Variants in LRRIQ1 observed in about 807,000 individuals in gnomAD.
LRRIQ1 encodes the protein leucine-rich repeat- and IQ domain-containing protein 1.
In LRRIQ1, 210 loss-of-function variants were observed where a neutral mutation model predicts 211.9. The observed-to-expected ratio is 0.99, with a 90% CI of 0.89 to 1.11. LRRIQ1 has a LOEUF of 1.11. Among genes scored for constraint, LRRIQ1 ranks in the 50% most tolerant of loss-of-function variants. The pLI, the probability that LRRIQ1 is intolerant of heterozygous loss-of-function variation, is 0.00. For missense variants in LRRIQ1, 2,136 were observed against 1,939.5 expected, an observed-to-expected ratio of 1.10 and a Z score of -1.90; for synonymous variants, 699 against 650.1, an observed-to-expected ratio of 1.08 and a Z score of -1.14.
intron 24 of LRRIQ1, among the ~76,000 whole-genome samples, chr12:85,196,433 A>G (rs1311692425): frequency 6.6e-6 from 1 of 152,106 alleles, no homozygotes; most frequent in African/African-American, 2.4e-5. Context: ...ACTATACTAC[A>G]AGGCTACAGT....
chr12:85,224,078 T>C (rs1218230064), intron 24 of LRRIQ1, among the ~76,000 whole-genome samples: 2 of 152,232 alleles, frequency 1.3e-5, no homozygotes, highest in Middle Eastern at 3.4e-3. Flanking sequence ...TTTATACTAT[T>C]AGATATTTTA....
chr12:85,261,801 A>ATTTATTTG (rs752042225), intron 1 of LRRIQ1, among the ~76,000 whole-genome samples: 1 of 149,020 alleles, frequency 6.7e-6, no homozygotes, highest in African/African-American at 2.5e-5. Context: ...TTATTTATTT[A>ATTTATTTG]TTTTTGAGAC....
chr12:85,234,991 G>T (rs929540198), intron 26 of LRRIQ1, among the ~76,000 whole-genome samples: 2 of 152,180 alleles, frequency 1.3e-5, no homozygotes, highest in Admixed American at 6.6e-5. Flanking sequence ...AATGCCAAAA[G>T]ACAGTGGATT....
At chr12:85,145,602 G>T (rs953955702) in intron 19 of LRRIQ1, among the ~76,000 whole-genome samples, 1 of 151,622 alleles carries the variant, frequency 6.6e-6, no homozygotes, top group Non-Finnish European at 1.5e-5. Flanking sequence ...AGAGCTTCAT[G>T]TACCAATTCT....
intron 1 of LRRIQ1, among the ~76,000 whole-genome samples, chr12:85,037,360 C>T (rs1034141479): frequency 6.6e-6 from 1 of 151,884 alleles, no homozygotes; most frequent in Non-Finnish European, 1.5e-5. Context: ...TATACCCGTG[C>T]ATTTTGCTTT....
In LRRIQ1 at chr12:85,227,154, C is replaced by T. The variant is rs548316536; in HGVS notation, c.4823-2363C>T. ...ATGGTTGAACTAGTTTACAGTCCCA[C>T]CAACAGTGTAAAAGTGTTCCTATTT... On this transcript the variant is annotated intron_variant, in intron 24 of 26. Transcript: ENST00000393217. Among the ~76,000 whole-genome samples the T allele has an allele frequency of 2.0e-3, 298 of 152,142 alleles. 2 individuals are homozygous for T. Among genetic ancestry groups the T allele is most frequent in the Non-Finnish European group, 3.0e-3 (202 of 68,028 alleles).
chr12:85,213,596 G>T (rs959881239), intron 24 of LRRIQ1, among the ~76,000 whole-genome samples: 7 of 151,990 alleles, frequency 4.6e-5, no homozygotes, highest in African/African-American at 1.7e-4. Flanking sequence ...CTTAAATCAG[G>T]TATCAAAAAA....
intron 24 of LRRIQ1, chr12:85,162,764 G>A (rs1179358030): frequency 4.4e-6 from 2 of 455,832 alleles, no homozygotes; most frequent in Admixed American, 2.4e-5. Context: ...TCCCCCAAGT[G>A]AATTTTGTTT....
chr12:85,077,074 T>G (rs182097560), intron 11 of LRRIQ1, among the ~76,000 whole-genome samples: 149 of 152,296 alleles, frequency 9.8e-4, no homozygotes, highest in African/African-American at 3.4e-3. Context: ...TTTGTATATT[T>G]GTATGTGTGA....
chr12:85,202,015 A>G (rs1226949385), intron 24 of LRRIQ1, among the ~76,000 whole-genome samples: 1 of 152,080 alleles, frequency 6.6e-6, no homozygotes, highest in African/African-American at 2.4e-5. Context: ...ATTTCAAATA[A>G]TTGATTTCTG....
At chr12:85,116,303 T>C (rs954177143) in intron 15 of LRRIQ1, among the ~76,000 whole-genome samples, 8 of 151,890 alleles carry the variant, frequency 5.3e-5, no homozygotes, top group Admixed American at 1.3e-4. Context: ...CCACCACGCC[T>C]GGCTAATTGT....
chr12:85,256,403 C>T (rs1896093701), intron 1 of LRRIQ1, among the ~76,000 whole-genome samples: 1 of 151,368 alleles, frequency 6.6e-6, no homozygotes, highest in Non-Finnish European at 1.5e-5. Context: ...ACCAATTTTT[C>T]ACACTAGCTA....
intron 24 of LRRIQ1, among the ~76,000 whole-genome samples, chr12:85,192,374 T>A (rs1892563464): frequency 7.2e-6 from 1 of 138,942 alleles, no homozygotes; most frequent in Non-Finnish European, 1.5e-5. Flanking sequence ...TTCCGTTATA[T>A]ATATATAAAT....
At position 85,042,551 on chromosome 12, in the gene LRRIQ1, A is replaced by T. The variant is rs376211835; in HGVS notation, c.244+1950A>T. 1.8e-3 allele frequency among the ~76,000 whole-genome samples: 262 copies of T among 149,370 alleles called. 8 individuals are homozygous for T. In the South Asian group the frequency reaches 0.054, roughly 31 times the overall value. ...TTATTTATTAAATTTGAATTTATTG[A>T]AATTTAATTTAAATTATCCTGTGTA... On this transcript the variant is annotated intron_variant, in intron 3 of 26. Transcript: ENST00000393217.
intron 24 of LRRIQ1, among the ~76,000 whole-genome samples, chr12:85,173,026 T>C (rs1449792684): frequency 6.6e-6 from 1 of 152,072 alleles, no homozygotes; most frequent in Non-Finnish European, 1.5e-5. Context: ...GGAGAATCGC[T>C]TGAACCTGGG....
intron 11 of LRRIQ1, among the ~76,000 whole-genome samples, chr12:85,077,486 ATTG>A (rs1317125979): frequency 6.6e-6 from 1 of 152,144 alleles, no homozygotes; most frequent in Non-Finnish European, 1.5e-5. Flanking sequence ...TTTTGTGGCT[ATTG>A]TTTGTTTTAT....
intron 24 of LRRIQ1, among the ~76,000 whole-genome samples, chr12:85,198,770 A>T (rs1025101157): frequency 1.3e-5 from 2 of 152,028 alleles, no homozygotes; most frequent in African/African-American, 4.8e-5. Flanking sequence ...GGGTTCCACC[A>T]TGTTAGCCAG....
At chr12:85,127,800 A>G (rs1888469925) in intron 17 of LRRIQ1, 32 bp from the exon 18 acceptor site, 4 of 1,585,632 alleles carry the variant, frequency 2.5e-6, no homozygotes, top group Non-Finnish European at 2.6e-6. Context: ...GATAATAAAA[A>G]AAGTGTGTGT....
intron 24 of LRRIQ1, among the ~76,000 whole-genome samples, chr12:85,169,462 T>A (rs1216348535): frequency 6.6e-6 from 1 of 152,182 alleles, no homozygotes; most frequent in Non-Finnish European, 1.5e-5. Flanking sequence ...GTCCTTTGAA[T>A]AAAAGCTGGA....
Sources: gnomAD v4.1 joint callset for allele counts (sites outside exome capture counted in the v4.1 genomes callset) on GRCh38, gnomAD v4.1.1 for gene constraint, MANE v1.5 for transcripts, NCBI Gene and HGNC (gene_info 2026-07-23, HGNC 2026-07-21) for gene names.